GNA14: variants seen among roughly 807,000 people sequenced by gnomAD.
GNA14 encodes the protein G protein subunit alpha 14.
GNA14 carries 50 observed loss-of-function variants against 42.0 expected under a neutral mutation model. The ratio of observed to expected loss-of-function variants is 1.19; its 90% CI spans 0.95 to 1.51. GNA14 has a LOEUF of 1.51. GNA14 is among the 40% of genes most tolerant of loss of function. GNA14 has a pLI of 0.00. For missense variants in GNA14, 473 were observed against 446.2 expected, an observed-to-expected ratio of 1.06 and a Z score of -0.54; for synonymous variants, 173 against 163.1, an observed-to-expected ratio of 1.06 and a Z score of -0.46.
rs1315309593 is a variant in GNA14 at position 77,647,658 on chromosome 9, G to A, written c.124+12C>T. On this transcript the variant is annotated intron_variant, in intron 1 of 6. Transcript: ENST00000341700. ...CGCCCGGCTCACTGGAGTCGGAGAC[G>A]CAGCCACTCACCCAGCAGCAGCAGC... 3 of 1,605,078 alleles carry A rather than the reference G, an allele frequency of 1.9e-6. No individual in the cohort carries two copies. Among genetic ancestry groups the A allele is most frequent in the Admixed American group, 1.7e-5 (1 of 58,886 alleles).
chr9:77,498,393 A>AAAAAAG (rs1564032336), intron 2 of GNA14, among the ~76,000 whole-genome samples: 3 of 150,420 alleles, frequency 2.0e-5, no homozygotes, highest in African/African-American at 4.9e-5. Context: ...AAAAAAGAAA[A>AAAAAAG]AAAAGAAAAA....
intron 2 of GNA14, among the ~76,000 whole-genome samples, chr9:77,451,286 A>G (rs1335156049): frequency 6.6e-6 from 1 of 152,218 alleles, no homozygotes; most frequent in African/African-American, 2.4e-5. Flanking sequence ...CAACATTAGC[A>G]GTCTCTAGCT....
chr9:77,536,579 G>C (rs545036665), intron 1 of GNA14, among the ~76,000 whole-genome samples: 2 of 152,278 alleles, frequency 1.3e-5, no homozygotes, highest in East Asian at 3.9e-4. Flanking sequence ...TCGAACTTCT[G>C]GTCTCAAGCT....
intron 1 of GNA14, among the ~76,000 whole-genome samples, chr9:77,546,782 A>G (rs945155244): frequency 2.0e-5 from 3 of 152,174 alleles, no homozygotes; most frequent in African/African-American, 7.2e-5. Context: ...CTCCAGCCCC[A>G]CTCATCAAGA....
chr9:77,594,071 TA>T (rs1192010042), intron 1 of GNA14, among the ~76,000 whole-genome samples: 1 of 152,098 alleles, frequency 6.6e-6, no homozygotes, highest in East Asian at 1.9e-4. Flanking sequence ...CTCTGTAGCA[TA>T]GGGGAGGTGA....
intron 1 of GNA14, among the ~76,000 whole-genome samples, chr9:77,590,038 TC>T (rs1823368030): frequency 6.6e-6 from 1 of 152,002 alleles, no homozygotes; most frequent in Non-Finnish European, 1.5e-5. Flanking sequence ...TGCCTCAGCC[TC>T]CCGAGTAACT....
intron 1 of GNA14, among the ~76,000 whole-genome samples, chr9:77,550,578 C>T (rs1436417996): frequency 1.3e-5 from 2 of 152,176 alleles, no homozygotes; most frequent in Non-Finnish European, 2.9e-5. Flanking sequence ...TCAAAACACA[C>T]TCATTATCAT....
intron 2 of GNA14, among the ~76,000 whole-genome samples, chr9:77,485,102 T>C (rs1836633932): frequency 6.6e-6 from 1 of 152,218 alleles, no homozygotes. Flanking sequence ...AGACTTCGTG[T>C]CATGTGATGC....
intron 2 of GNA14, among the ~76,000 whole-genome samples, chr9:77,482,470 C>T (rs142921506): frequency 0.026 from 3,921 of 152,268 alleles, 165 homozygotes; most frequent in African/African-American, 0.088. Flanking sequence ...CGACCTTTCT[C>T]TCTGGCTGCC....
chr9:77,435,202 C>A (rs571907940), intron 2 of GNA14, among the ~76,000 whole-genome samples: 62 of 151,984 alleles, frequency 4.1e-4, no homozygotes, highest in Non-Finnish European at 7.5e-4. Context: ...ACTAAAAACA[C>A]AAAAATTAGC....
intron 1 of GNA14, among the ~76,000 whole-genome samples, chr9:77,551,703 C>T (rs2131782214): frequency 6.6e-6 from 1 of 151,656 alleles, no homozygotes; most frequent in East Asian, 1.9e-4. Context: ...CATCTTTGGG[C>T]AACAAGAAAC....
rs764378681 is a variant in GNA14 at position 77,546,215 on chromosome 9, CAAAAAAAAAAA to C, written c.125-16973_125-16963del. 1.6e-4 allele frequency among the ~76,000 whole-genome samples: 7 copies of C among 42,914 alleles called. No individual in the cohort carries two copies. In the East Asian group the frequency reaches 2.5e-3, roughly 15 times the overall value. 28.2% of individuals were successfully genotyped at this position (42,914 alleles called of 152,430 possible). On this transcript the variant is annotated intron_variant, in intron 1 of 6. Transcript: ENST00000341700. The stretch of plus-strand genomic sequence containing the variant: ...CTGGGTGACAGAGCGAGCTCCATCT[CAAAAAAAAAAA>C]AAAAAAAAAAAAAGAATTATCTAAT...
At chr9:77,575,051 C>T (rs192229303) in intron 1 of GNA14, among the ~76,000 whole-genome samples, 85 of 152,316 alleles carry the variant, frequency 5.6e-4, no homozygotes, top group African/African-American at 1.6e-3. Flanking sequence ...TTTGAAATTG[C>T]TAAGTACAGC....
At chr9:77,478,781 A>G (rs1426134656) in intron 2 of GNA14, among the ~76,000 whole-genome samples, 2 of 152,208 alleles carry the variant, frequency 1.3e-5, no homozygotes, top group African/African-American at 4.8e-5. Flanking sequence ...ATGGCCAGTG[A>G]TGATGAGCAT....
In GNA14 at chr9:77,647,753, G is replaced by A. The variant is rs781620877; in HGVS notation, c.41C>T (p.Ser14Leu). The A allele has an allele frequency of 4.3e-6, 7 of 1,610,150 alleles. No individual in the cohort carries two copies. The highest frequency in any genetic ancestry group is 2.2e-5 in the South Asian group (2 of 90,308). ...CCCLSAEEKE[S>L]QRISAEIERQ... ...CTCGATCTCCGCGCTGATGCGCTGC[G>A]ACTCCTTCTCCTCCGCGGACAGGCA... Residue 14 changes from serine to leucine, a missense_variant, in exon 1 of 7, where the codon TCG becomes TTG. By Grantham distance (145) the Ser-to-Leu change is moderately radical. Coordinates refer to ENST00000341700, the MANE Select transcript of GNA14 (RefSeq NM_004297.4).
intron 2 of GNA14, among the ~76,000 whole-genome samples, chr9:77,462,742 G>A (rs1054929268): frequency 1.5e-5 from 2 of 129,314 alleles, no homozygotes; most frequent in Non-Finnish European, 3.3e-5. Flanking sequence ...TGGGGGGGTG[G>A]GAAAAGGAAT....
At chr9:77,514,842 T>C (rs1186739445) in intron 2 of GNA14, among the ~76,000 whole-genome samples, 2 of 152,172 alleles carry the variant, frequency 1.3e-5, no homozygotes, top group African/African-American at 4.8e-5. Flanking sequence ...CTCGATCTCC[T>C]GTCCTTGTGA....
intron 2 of GNA14, among the ~76,000 whole-genome samples, chr9:77,468,095 A>G (rs559994229): frequency 1.3e-5 from 2 of 152,230 alleles, no homozygotes; most frequent in East Asian, 3.9e-4. Context: ...GGGGTCCTAG[A>G]CTAGGAGCTG....
chr9:77,644,437 C>CAA (rs764737417), intron 1 of GNA14, among the ~76,000 whole-genome samples: 424 of 34,010 alleles, frequency 0.012, 66 homozygotes, highest in Admixed American at 0.07. Context: ...TAAAGAGTGT[C>CAA]AAAAAAAAAA....
Sources: gnomAD v4.1 joint callset for allele counts (sites outside exome capture counted in the v4.1 genomes callset) on GRCh38, gnomAD v4.1.1 for gene constraint, MANE v1.5 for transcripts, NCBI Gene and HGNC (gene_info 2026-07-23, HGNC 2026-07-21) for gene names.